CEP89: variants seen among roughly 807,000 people sequenced by gnomAD.
The protein encoded by CEP89 is centrosomal protein 89, also known as centrosomal protein of 89 kDa.
CEP89 carries 95 observed loss-of-function variants against 97.6 expected under a neutral mutation model. The ratio of observed to expected loss-of-function variants is 0.97; its 90% CI spans 0.82 to 1.15. The LOEUF (loss-of-function observed/expected upper bound fraction) is 1.15, where lower values mean the gene tolerates loss of function less well. Among genes scored for constraint, CEP89 ranks in the 50% most tolerant of loss-of-function variants. The pLI is 0.00. For synonymous variants in CEP89, 354 were observed against 349.1 expected (o/e 1.01, Z -0.16); for missense variants, 869 against 947.7 (o/e 0.92, Z 1.09).
At position 32,879,372 on chromosome 19, in the gene CEP89, C is replaced by T. The variant is rs1599701989; in HGVS notation, c.2142G>A (p.Met714Ile). Residue 714 changes from methionine to isoleucine, a missense_variant, in exon 19 of 19, where the codon ATG becomes ATA. Met to Ile is a conservative substitution (Grantham distance 10, BLOSUM62 1). Coordinates refer to ENST00000305768, the MANE Select transcript of CEP89 (RefSeq NM_032816.5). ...LDQALQQNRE[M>I]EGELEVIWES... ...CCCAAATAACTTCAAGTTCACCTTC[C>T]ATTTCTCTGAGGGAAATAAGTTTAA... The T allele has an allele frequency of 1.2e-6, 2 of 1,613,448 alleles. No homozygotes were observed. Among genetic ancestry groups the T allele is most frequent in the Non-Finnish European group, 8.5e-7 (1 of 1,179,346 alleles).
At chr19:32,882,325 G>A (rs1257297486) in intron 17 of CEP89, among the ~76,000 whole-genome samples, 1 of 152,154 alleles carries the variant, frequency 6.6e-6, no homozygotes, top group Non-Finnish European at 1.5e-5. Context: ...CACTATTACA[G>A]GCTGAGGCAG....
At position 32,933,643 on chromosome 19, in the gene CEP89, A is replaced by G. The variant is rs144191823; in HGVS notation, c.694T>C (p.Tyr232His). 78 of 1,611,312 alleles carry G rather than the reference A, an allele frequency of 4.8e-5. No individual in the cohort carries two copies. Among genetic ancestry groups the G allele is most frequent in the East Asian group, 3.8e-4 (17 of 44,870 alleles). ...AACTTTTCTCTGGTTATTTCTGTAT[A>G]TCTTTGACGTGCTCTACCAGTTATA... ...PDITGRARQR[Y>H]TEITREKFEA... The change falls in exon 8 of 19, where the codon TAT becomes CAT. Residue 232 changes from tyrosine to histidine, a missense_variant. Tyr to His is a moderately conservative substitution (Grantham distance 83). Coordinates refer to ENST00000305768, the MANE Select transcript of CEP89 (RefSeq NM_032816.5).
At chr19:32,895,064 T>A (rs1047494113) in intron 16 of CEP89, among the ~76,000 whole-genome samples, 3 of 152,112 alleles carry the variant, frequency 2.0e-5, no homozygotes, top group African/African-American at 7.2e-5. Context: ...GAAGAACTAA[T>A]ACAAATTCTC....
chr19:32,913,629 TACACACACAC>T, intron 14 of CEP89, among the ~76,000 whole-genome samples: 1 of 140,990 alleles, frequency 7.1e-6, no homozygotes, highest in Non-Finnish European at 1.5e-5. Context: ...CACACACACA[TACACACACAC>T]TTTTTTTTTT....
chr19:32,945,868 C>T (rs2145947711), intron 5 of CEP89, among the ~76,000 whole-genome samples: 1 of 152,278 alleles, frequency 6.6e-6, no homozygotes, highest in Admixed American at 6.5e-5. Flanking sequence ...TCCTGGCCCC[C>T]TATCCCAGTG....
Position 32,964,275 on chromosome 19 carries a change from G to T in CEP89, c.146+2085C>A, listed in dbSNP as rs528651926. ...GCAACCTCTGCCTCCAGGTTCAGGCGATTCTCGTGCCTCAGCCTCCCCAGT... is the reference window on the plus strand; with the variant it reads ...GCAACCTCTGCCTCCAGGTTCAGGCTATTCTCGTGCCTCAGCCTCCCCAGT... On this transcript the variant is annotated intron_variant, in intron 2 of 18. Transcript: ENST00000305768. Among the ~76,000 whole-genome samples the T allele has an allele frequency of 7.2e-5, 11 of 152,084 alleles. No individual in the cohort carries two copies. In the East Asian group the frequency reaches 2.1e-3, roughly 29 times the overall value.
chr19:32,956,377 T>G (rs1363816555), intron 3 of CEP89, among the ~76,000 whole-genome samples: 7 of 143,514 alleles, frequency 4.9e-5, no homozygotes, highest in South Asian at 2.2e-4. Flanking sequence ...TTTATTTTTG[T>G]TTTTTTTTTT....
rs1971422710 is a variant in CEP89, at chr19:32,971,899, C to G, written c.-25G>C. 6 of 1,577,872 alleles carry G rather than the reference C, an allele frequency of 3.8e-6. No homozygotes were observed. Among genetic ancestry groups the G allele is most frequent in the Non-Finnish European group, 5.2e-6 (6 of 1,160,446 alleles). ...TCCTTGCAGCGCGAGGAGAATGGAC[C>G]GGGGCCTGGACTCATCAGCAGATCT... On this transcript the variant is annotated 5_prime_UTR_variant, in exon 1 of 19. Coordinates refer to ENST00000305768, the MANE Select transcript of CEP89 (RefSeq NM_032816.5).
At chr19:32,899,261 G>A (rs887991439) in intron 16 of CEP89, among the ~76,000 whole-genome samples, 5 of 151,744 alleles carry the variant, frequency 3.3e-5, no homozygotes, top group African/African-American at 9.7e-5. Flanking sequence ...TTCCTGAGTA[G>A]CTGAGACTAC....
intron 3 of CEP89, among the ~76,000 whole-genome samples, chr19:32,957,917 C>T (rs1971081927): frequency 6.6e-6 from 1 of 151,780 alleles, no homozygotes. Context: ...AATCACTTGA[C>T]CCCAGGAAGA....
intron 17 of CEP89, among the ~76,000 whole-genome samples, chr19:32,886,980 A>T (rs749331692): frequency 7.1e-5 from 10 of 139,932 alleles, no homozygotes; most frequent in Non-Finnish European, 1.5e-4. Flanking sequence ...GTTCAAGACC[A>T]CCCTGGGCAA....
At chr19:32,902,188 C>A (rs1969795271) in intron 14 of CEP89, among the ~76,000 whole-genome samples, 1 of 151,904 alleles carries the variant, frequency 6.6e-6, no homozygotes, top group African/African-American at 2.4e-5. Context: ...GTTTTTAAGA[C>A]AAAAGAAACA....
At chr19:32,916,265 G>A (rs570248270) in intron 13 of CEP89, among the ~76,000 whole-genome samples, 139 of 152,120 alleles carry the variant, frequency 9.1e-4, no homozygotes, top group Non-Finnish European at 1.7e-3. Context: ...ATGACACAGC[G>A]AGACCTTGTC....
chr19:32,915,299 A>G, intron 14 of CEP89, 38 bp downstream of exon 14: 3 of 1,502,460 alleles, frequency 2.0e-6, no homozygotes, highest in Non-Finnish European at 2.7e-6. Context: ...TCTCGAAAAA[A>G]GAAAAAAAAA....
Position 32,899,903 on chromosome 19 carries a change from C to T in CEP89, c.1829G>A (p.Gly610Asp). 1 of 1,613,992 alleles carries T rather than the reference C, an allele frequency of 6.2e-7. No homozygotes were observed. Among genetic ancestry groups the T allele is most frequent in the South Asian group, 1.1e-5 (1 of 91,060 alleles). ...TTCCTGGGTTATGTTTTCTGCCAGG[C>T]CAACAAGGTTTGCCAGGTACTGATG... ...SAHQYLANLV[G>D]LAENITQERD... The change falls in exon 16 of 19, where the codon GGC (glycine) becomes GAC (aspartate). Residue 610 changes from glycine (G) to aspartate (D), a missense_variant. Coordinates refer to ENST00000305768, the MANE Select transcript of CEP89 (RefSeq NM_032816.5).
In CEP89 at chr19:32,887,814, C is replaced by T; in HGVS notation, c.1903G>A (p.Gly635Arg). 1 of 1,612,656 alleles carries T rather than the reference C, an allele frequency of 6.2e-7. No individual in the cohort carries two copies. The highest frequency in any genetic ancestry group is 8.5e-7 in the Non-Finnish European group (1 of 1,178,770). ...CTTTTTATGACTTTATTAAGCACTC[C>T]ATCCTTCTCACTTTCTAAACATTTT... The part of the protein sequence containing the change: ...LAKCLESEKD[G>R]VLNKVIKSNI... Residue 635 changes from glycine to arginine, a missense_variant, in exon 17 of 19, where the codon GGA (glycine) becomes AGA (arginine). Coordinates refer to ENST00000305768, the MANE Select transcript of CEP89 (RefSeq NM_032816.5).
chr19:32,928,379 C>A, intron 9 of CEP89, among the ~76,000 whole-genome samples: 1 of 151,910 alleles, frequency 6.6e-6, no homozygotes, highest in East Asian at 1.9e-4. Flanking sequence ...CCTCCTCTCT[C>A]TCTCTCTCTT....
At chr19:32,912,976 G>C (rs896674519) in intron 14 of CEP89, among the ~76,000 whole-genome samples, 1 of 151,346 alleles carries the variant, frequency 6.6e-6, no homozygotes, top group Non-Finnish European at 1.5e-5. Context: ...CCGGGGGGCG[G>C]AGCCTGCAGT....
rs1377598145 is a variant in CEP89, at chr19:32,878,777, G to A, written c.*385C>T. ...GAGGCCAGGAGTTCAAGACCAGCCT[G>A]AGCAACATAGCAAGACCTCATCTCA... On this transcript the variant is annotated 3_prime_UTR_variant, in exon 19 of 19. Coordinates refer to ENST00000305768, the MANE Select transcript of CEP89 (RefSeq NM_032816.5). The A allele has an allele frequency of 6.2e-6, 1 of 161,518 alleles. No individual in the cohort carries two copies. Among genetic ancestry groups the A allele is most frequent in the Non-Finnish European group, 1.3e-5 (1 of 74,524 alleles). The allele number at this position is 161,518 out of a possible 1,614,324, so 10.0% of individuals were successfully genotyped here. A position where few individuals can be genotyped will look rare whatever the true frequency, so the allele number is the denominator to read the frequency against.
Sources: allele counts gnomAD v4.1 joint callset (sites outside exome capture counted in the v4.1 genomes callset), GRCh38; gene constraint gnomAD v4.1.1; transcripts MANE v1.5; gene names NCBI Gene and HGNC (gene_info 2026-07-23, HGNC 2026-07-21).